MAPKAPK2: variants seen among roughly 807,000 people sequenced by gnomAD.
MAPKAPK2 encodes the protein MAP kinase-activated protein kinase 2.
Under a neutral mutation model 48.8 loss-of-function variants are expected in MAPKAPK2, and 9 were observed. The observed-to-expected ratio is 0.18, with a 90% confidence interval of 0.11 to 0.32. The LOEUF is 0.32. Among genes scored for constraint, MAPKAPK2 ranks in the 10% least tolerant of loss-of-function variants. The probability of loss-of-function intolerance (pLI) is 1.00; values close to 1 mark genes in which losing one functional copy is unlikely to be tolerated. For missense variants in MAPKAPK2, 331 were observed against 498.3 expected (o/e 0.66, Z 3.20); for synonymous variants, 202 against 190.6 (o/e 1.06, Z -0.49).
Position 206,730,845 on chromosome 1 carries a change from C to G in MAPKAPK2, c.767+82C>G, listed in dbSNP as rs1465759065. The G allele has an allele frequency of 7.7e-6, 11 of 1,424,312 alleles. No individual in the cohort carries two copies. The East Asian group carries it at 9.1e-5, about 12-fold the overall frequency. 88.2% of individuals were successfully genotyped at this position (1,424,312 alleles called of 1,614,324 possible). A position where few individuals can be genotyped will look rare whatever the true frequency, so the allele number is the denominator to read the frequency against. On this transcript the variant is annotated intron_variant, in intron 6 of 9. Transcript: ENST00000367103. ...CTCCAGGACAAGAGGAAGAGGCAGA[C>G]GTTAGCATTCCCCTTTGTACAGGGG...
chr1:206,711,276 C>G (rs1673131569), intron 1 of MAPKAPK2, among the ~76,000 whole-genome samples: 1 of 152,104 alleles, frequency 6.6e-6, no homozygotes, highest in Non-Finnish European at 1.5e-5. Flanking sequence ...TTTTGAGACA[C>G]CATCTCTCTG....
chr1:206,726,319 G>A (rs956853607), intron 1 of MAPKAPK2, among the ~76,000 whole-genome samples: 19 of 152,220 alleles, frequency 1.2e-4, no homozygotes, highest in South Asian at 2.1e-4. Context: ...CCCGGGAGGC[G>A]GAGGTTACAG....
At chr1:206,701,621 C>T (rs373640198) in intron 1 of MAPKAPK2, among the ~76,000 whole-genome samples, 49 of 151,990 alleles carry the variant, frequency 3.2e-4, no homozygotes, top group African/African-American at 1.1e-3. Context: ...ATTGCTTGAG[C>T]CCAGGAGTTC....
At chr1:206,696,778 T>C (rs1672639378) in intron 1 of MAPKAPK2, among the ~76,000 whole-genome samples, 1 of 152,228 alleles carries the variant, frequency 6.6e-6, no homozygotes, top group South Asian at 2.1e-4. Flanking sequence ...AAAGGTGTGA[T>C]AACTGAGTAA....
intron 1 of MAPKAPK2, among the ~76,000 whole-genome samples, chr1:206,722,888 C>T (rs907238825): frequency 2.0e-5 from 3 of 152,158 alleles, no homozygotes; most frequent in Non-Finnish European, 2.9e-5. Flanking sequence ...GCCGGTGGTC[C>T]GGGAACCAGA....
chr1:206,702,298 A>G (rs572001681), intron 1 of MAPKAPK2, among the ~76,000 whole-genome samples: 74 of 152,372 alleles, frequency 4.9e-4, no homozygotes, highest in African/African-American at 1.7e-3. Flanking sequence ...CTCAGTCTTC[A>G]GCAGATATTT....
chr1:206,687,791 A>G (rs1371910284), intron 1 of MAPKAPK2, among the ~76,000 whole-genome samples: 1 of 152,204 alleles, frequency 6.6e-6, no homozygotes, highest in African/African-American at 2.4e-5. Context: ...GGAGTGGGGC[A>G]AGAGGGATTA....
intron 1 of MAPKAPK2, among the ~76,000 whole-genome samples, chr1:206,691,529 G>C: frequency 1.3e-5 from 1 of 74,728 alleles, no homozygotes; most frequent in East Asian, 2.7e-4. Context: ...ATATAGATAT[G>C]TAGAGATGAG....
intron 1 of MAPKAPK2, among the ~76,000 whole-genome samples, chr1:206,701,958 C>G (rs1553427983): frequency 6.6e-6 from 1 of 151,510 alleles, no homozygotes; most frequent in African/African-American, 2.4e-5. Context: ...GGTAGCATTT[C>G]AAGATACAGA....
intron 1 of MAPKAPK2, among the ~76,000 whole-genome samples, chr1:206,692,311 G>A (rs1553426417): frequency 1.3e-5 from 2 of 152,208 alleles, no homozygotes; most frequent in African/African-American, 2.4e-5. Context: ...TCACAGAGCT[G>A]ATGAGGAAAT....
chr1:206,689,736 T>A (rs1419904285), intron 1 of MAPKAPK2, among the ~76,000 whole-genome samples: 1 of 152,236 alleles, frequency 6.6e-6, no homozygotes, highest in Non-Finnish European at 1.5e-5. Context: ...AAATTAAAAT[T>A]AATTAACATG....
chr1:206,730,887 C>G, intron 6 of MAPKAPK2, 124 bp downstream of exon 6: 1 of 1,091,398 alleles, frequency 9.2e-7, no homozygotes. Flanking sequence ...CTGCGTGCCC[C>G]TTCTCTCAGT....
At chr1:206,709,444 G>A (rs899617123) in intron 1 of MAPKAPK2, among the ~76,000 whole-genome samples, 2 of 152,184 alleles carry the variant, frequency 1.3e-5, no homozygotes, top group East Asian at 1.9e-4. Flanking sequence ...GAGTGTGGGT[G>A]CATTTGGATC....
In MAPKAPK2 at chr1:206,731,910, G is replaced by T; in HGVS notation, c.1050G>T (p.Glu350Asp). Residue 350 changes from glutamate (E) to aspartate (D), a missense_variant, in exon 9 of 10, where the codon GAG becomes GAT. Coordinates refer to ENST00000367103, the MANE Select transcript of MAPKAPK2 (RefSeq NM_032960.4). The surrounding 1 kb of genome is among the most constrained non-coding windows in gnomAD (Gnocchi z 5.9). Reference sequence around the variant, plus strand: ...TGAAGGAGGACAAGGAGCGGTGGGAGGATGTCAAGGTGAGGGGCACCACTG... The same window carrying T: ...TGAAGGAGGACAAGGAGCGGTGGGATGATGTCAAGGTGAGGGGCACCACTG... ...RVLKEDKERW[E>D]DVKEEMTSAL... is the part of the protein sequence containing the mutation. 1.2e-6 allele frequency: 2 copies of T among 1,614,194 alleles called. No individual in the cohort carries two copies. Among genetic ancestry groups the T allele is most frequent in the Non-Finnish European group, 1.7e-6 (2 of 1,180,026 alleles).
chr1:206,686,045 G>T (rs931014658), intron 1 of MAPKAPK2, among the ~76,000 whole-genome samples: 3 of 152,158 alleles, frequency 2.0e-5, no homozygotes, highest in African/African-American at 4.8e-5. Flanking sequence ...AGGGCAGCCG[G>T]GCCGCCTTGG....
chr1:206,715,648 A>G lies in MAPKAPK2; in HGVS notation c.280-13062A>G, dbSNP rs367918801. Among the ~76,000 whole-genome samples, 152 of 126,494 alleles carry G rather than the reference A, an allele frequency of 1.2e-3. 1 individual carries two copies. The highest frequency in any genetic ancestry group is 4.6e-3 in the African/African-American group (150 of 32,686). 83.0% of individuals were successfully genotyped at this position (126,494 alleles called of 152,430 possible). Reference sequence around the variant, plus strand: ...TTCTTTCTTTTTTTTTTTTTTTGAGATAGGGTCTCACTCTGTTGCCCAGGC... The same window carrying G: ...TTCTTTCTTTTTTTTTTTTTTTGAGGTAGGGTCTCACTCTGTTGCCCAGGC... On this transcript the variant is annotated intron_variant, in intron 1 of 9. Transcript: ENST00000367103.
intron 1 of MAPKAPK2, among the ~76,000 whole-genome samples, chr1:206,686,890 T>G (rs564858565): frequency 1.3e-3 from 191 of 152,300 alleles, no homozygotes; most frequent in Non-Finnish European, 1.7e-3. Context: ...TCGGTTGTTG[T>G]TTAGTGTTGA....
chr1:206,732,228 C>T lies in MAPKAPK2; in HGVS notation c.1059+309C>T, dbSNP rs970649202. The stretch of plus-strand genomic sequence containing the variant: ...CAGAAGAGAAACTGAGGCCCAGAGG[C>T]GGAGGGCAGTCTGCTCAAGGTCACG... On this transcript the variant is annotated intron_variant, in intron 9 of 9. Transcript: ENST00000367103. The surrounding 1 kb of genome is among the most constrained non-coding windows in gnomAD (Gnocchi z 4.4). 7.9e-5 allele frequency: 120 copies of T among 1,519,894 alleles called. No homozygotes were observed. In the African/African-American group the frequency reaches 1.2e-3, roughly 15 times the overall value. 94.2% of individuals were successfully genotyped at this position (1,519,894 alleles called of 1,614,324 possible). A position where few individuals can be genotyped will look rare whatever the true frequency, so the allele number is the denominator to read the frequency against.
At chr1:206,691,850 C>G (rs1469030006) in intron 1 of MAPKAPK2, among the ~76,000 whole-genome samples, 1 of 152,140 alleles carries the variant, frequency 6.6e-6, no homozygotes, top group Non-Finnish European at 1.5e-5. Context: ...GTGCCTGGCT[C>G]CAGGGCAGCC....
Sources: allele counts gnomAD v4.1 joint callset (sites outside exome capture counted in the v4.1 genomes callset), GRCh38; gene constraint gnomAD v4.1.1; non-coding constraint Gnocchi (gnomAD v3.1); transcripts MANE v1.5; gene names NCBI Gene and HGNC (gene_info 2026-07-23, HGNC 2026-07-21).